Variants in FHOD3 observed in about 807,000 individuals in gnomAD.
The protein encoded by FHOD3 is FH1/FH2 domain-containing protein 3.
Under a neutral mutation model 173.0 loss-of-function variants are expected in FHOD3, and 90 were observed. The observed-to-expected ratio is 0.52, with a 90% CI of 0.44 to 0.62. The LOEUF is 0.62. Among genes scored for constraint, FHOD3 ranks in the 20% least tolerant of loss-of-function variants. FHOD3 has a pLI of 0.00. For synonymous variants in FHOD3, 828 were observed against 823.0 expected, an observed-to-expected ratio of 1.01 and a Z score of -0.10; for missense variants, 1,945 against 2,034.7, an observed-to-expected ratio of 0.96 and a Z score of 0.85.
intron 3 of FHOD3, among the ~76,000 whole-genome samples, chr18:36,473,165 A>G (rs1467432971): frequency 6.6e-6 from 1 of 152,232 alleles, no homozygotes; most frequent in Non-Finnish European, 1.5e-5. Context: ...CCGTAATCCC[A>G]GCACTTTGGG....
intron 19 of FHOD3, among the ~76,000 whole-genome samples, chr18:36,729,341 A>C (rs559574819): frequency 6.6e-6 from 1 of 152,158 alleles, no homozygotes; most frequent in African/African-American, 2.4e-5. Flanking sequence ...TGCCACCTGC[A>C]CCCAACTTCC....
chr18:36,777,170 G>A (rs1014679856), intron 28 of FHOD3, among the ~76,000 whole-genome samples: 1 of 150,724 alleles, frequency 6.6e-6, no homozygotes, highest in African/African-American at 2.4e-5. Flanking sequence ...CCCAGCTAGT[G>A]CAGCATGAAC....
At chr18:36,600,288 CATATGCACACAT>C (rs2031179268) in intron 7 of FHOD3, among the ~76,000 whole-genome samples, 1 of 148,840 alleles carries the variant, frequency 6.7e-6, no homozygotes, top group East Asian at 2.0e-4. Context: ...CACACACACA[CATATGCACACAT>C]ACACACACAC....
At chr18:36,388,303 C>T (rs991191767) in intron 3 of FHOD3, among the ~76,000 whole-genome samples, 6 of 152,154 alleles carry the variant, frequency 3.9e-5, no homozygotes, top group Non-Finnish European at 8.8e-5. Flanking sequence ...CCACTGGTCT[C>T]CCCAGGTCTG....
At chr18:36,769,749 C>A (rs2043293475) in intron 28 of FHOD3, among the ~76,000 whole-genome samples, 1 of 151,964 alleles carries the variant, frequency 6.6e-6, no homozygotes, top group Non-Finnish European at 1.5e-5. Context: ...GCTAGTGGAG[C>A]CCATCGTCAA....
intron 1 of FHOD3, among the ~76,000 whole-genome samples, chr18:36,337,505 C>T (rs574663116): frequency 1.3e-5 from 2 of 152,232 alleles, no homozygotes; most frequent in African/African-American, 2.4e-5. Flanking sequence ...CAAATGGCAG[C>T]GTTTCACTTT....
chr18:36,571,813 C>T (rs1341902669), intron 5 of FHOD3, among the ~76,000 whole-genome samples: 2 of 152,228 alleles, frequency 1.3e-5, no homozygotes, highest in African/African-American at 4.8e-5. Flanking sequence ...GAACCTCAAT[C>T]TATGCTTCTT....
At chr18:36,695,917 C>T (rs1301256087) in intron 17 of FHOD3, among the ~76,000 whole-genome samples, 2 of 152,236 alleles carry the variant, frequency 1.3e-5, no homozygotes, top group Non-Finnish European at 2.9e-5. Context: ...AGTATCCTGA[C>T]ATCTGGAGGA....
chr18:36,640,889 C>A (rs2035256680), intron 10 of FHOD3, among the ~76,000 whole-genome samples: 1 of 152,196 alleles, frequency 6.6e-6, no homozygotes. Flanking sequence ...TTAGATTCTG[C>A]TTTAAGTTTC....
At chr18:36,315,970 G>C (rs937643329) in intron 1 of FHOD3, among the ~76,000 whole-genome samples, 19 of 152,112 alleles carry the variant, frequency 1.2e-4, no homozygotes, top group African/African-American at 4.6e-4. Context: ...TTCTGTGGCT[G>C]AGACAGCCAT....
intron 1 of FHOD3, among the ~76,000 whole-genome samples, chr18:36,349,568 G>A (rs1369184507): frequency 1.3e-5 from 2 of 152,162 alleles, no homozygotes; most frequent in Non-Finnish European, 2.9e-5. Flanking sequence ...GAACGGTTCT[G>A]TGCAAATCTA....
chr18:36,389,369 G>A (rs1272104323), intron 3 of FHOD3, among the ~76,000 whole-genome samples: 2 of 152,176 alleles, frequency 1.3e-5, no homozygotes, highest in African/African-American at 4.8e-5. Flanking sequence ...TCCCATTGCT[G>A]GGCCTTTGTC....
rs750216134 is a variant in FHOD3, at chr18:36,779,470, C to A, written c.4809C>A (p.Gly1603=). The A allele has an allele frequency of 3.1e-6, 5 of 1,614,190 alleles. No individual in the cohort carries two copies. The highest frequency in any genetic ancestry group is 4.2e-6 in the Non-Finnish European group (5 of 1,180,038). Residue 1603 remains glycine, a synonymous_variant, in exon 29 of 29, where the codon GGC becomes GGA. Transcript: ENST00000590592. ...CAGTGCGAAGAACCCTGAAGAGCGG[C>A]CTGACCCCAGAAGAAGCCAGAGCCC... ...RKSLRRTLKS[G]LTPEEARALG...
intron 20 of FHOD3, among the ~76,000 whole-genome samples, chr18:36,731,006 C>T (rs528665491): frequency 1.3e-5 from 2 of 152,276 alleles, no homozygotes; most frequent in South Asian, 4.1e-4. Context: ...AATCTTCACT[C>T]AGGTTCATTT....
intron 3 of FHOD3, among the ~76,000 whole-genome samples, chr18:36,443,102 C>T (rs570269907): frequency 1.6e-4 from 24 of 152,258 alleles, no homozygotes; most frequent in African/African-American, 2.2e-4. Context: ...TTCTCATTAC[C>T]GCTGATGATA....
chr18:36,431,171 A>T (rs1284227368), intron 3 of FHOD3, among the ~76,000 whole-genome samples: 1 of 152,262 alleles, frequency 6.6e-6, no homozygotes, highest in East Asian at 1.9e-4. Flanking sequence ...AAGTTGAACA[A>T]ACATTTATAT....
chr18:36,554,665 T>C (rs1218711566), intron 5 of FHOD3, among the ~76,000 whole-genome samples: 2 of 152,250 alleles, frequency 1.3e-5, no homozygotes, highest in African/African-American at 4.8e-5. Context: ...TATTATTTCA[T>C]CTTTAAACAT....
At chr18:36,414,835 T>C (rs954764342) in intron 3 of FHOD3, among the ~76,000 whole-genome samples, 1 of 152,170 alleles carries the variant, frequency 6.6e-6, no homozygotes, top group Non-Finnish European at 1.5e-5. Context: ...AAAGGTCAGA[T>C]TGAAGCTGTC....
intron 3 of FHOD3, among the ~76,000 whole-genome samples, chr18:36,456,083 C>T (rs1285701460): frequency 6.6e-6 from 1 of 152,086 alleles, no homozygotes; most frequent in Non-Finnish European, 1.5e-5. Context: ...GTTTTCCAGA[C>T]CCCCTGTGAA....
Sources: gnomAD v4.1 joint callset for allele counts (sites outside exome capture counted in the v4.1 genomes callset) on GRCh38, gnomAD v4.1.1 for gene constraint, MANE v1.5 for transcripts, NCBI Gene and HGNC (gene_info 2026-07-23, HGNC 2026-07-21) for gene names.